The following QRSL1 variants were observed in gnomAD, a reference collection of about 807,000 sequenced individuals.
The protein encoded by QRSL1 is glutaminyl-tRNA amidotransferase subunit QRSL1, also known as glutamyl-tRNA(Gln) amidotransferase subunit A, mitochondrial.
A neutral mutation model predicts 61.6 loss-of-function variants in QRSL1; 54 were observed. That is an observed-to-expected ratio of 0.88 (90% CI 0.70 to 1.10). The LOEUF is 1.10. QRSL1 is among the 50% of genes least tolerant of loss of function. The pLI is 0.00. For synonymous variants in QRSL1, 228 were observed against 225.7 expected, an observed-to-expected ratio of 1.01 and a Z score of -0.09; for missense variants, 505 against 622.6, an observed-to-expected ratio of 0.81 and a Z score of 2.01.
intron 7 of QRSL1, among the ~76,000 whole-genome samples, chr6:106,654,437 G>C (rs1467155260): frequency 1.3e-5 from 2 of 150,818 alleles, no homozygotes; most frequent in African/African-American, 2.4e-5. Flanking sequence ...ATGCTGTTAG[G>C]TTCCTGATAC....
At position 106,633,387 on chromosome 6, in the gene QRSL1, A is replaced by G. The variant is rs367636511; in HGVS notation, c.24+3682A>G. Among the ~76,000 whole-genome samples the G allele has an allele frequency of 6.3e-4, 96 of 152,302 alleles. 2 individuals are homozygous for G. The highest frequency in any genetic ancestry group is 2.2e-3 in the African/African-American group (90 of 41,564). ...GGAAGGTTGAACAATTTTTCCACCCATTGTTGTAAATTATAACAGTTCAAA... is the reference window on the plus strand; with the variant it reads ...GGAAGGTTGAACAATTTTTCCACCCGTTGTTGTAAATTATAACAGTTCAAA... On this transcript the variant is annotated intron_variant, in intron 1 of 10. Transcript: ENST00000369046.
intron 9 of QRSL1, among the ~76,000 whole-genome samples, chr6:106,657,325 A>AT (rs905534591): frequency 6.6e-6 from 1 of 152,154 alleles, no homozygotes; most frequent in African/African-American, 2.4e-5. Flanking sequence ...CTGTTACCAT[A>AT]TTGACCAGAT....
At chr6:106,665,646 C>A in intron 10 of QRSL1, 136 bp from the exon 11 acceptor site, 1 of 731,990 alleles carries the variant, frequency 1.4e-6, no homozygotes, top group Non-Finnish European at 2.4e-6. Context: ...AGTACAAAAG[C>A]ATTATATAGC....
At chr6:106,644,948 A>G (rs181398564) in intron 4 of QRSL1, among the ~76,000 whole-genome samples, 1 of 152,338 alleles carries the variant, frequency 6.6e-6, no homozygotes, top group Non-Finnish European at 1.5e-5. Context: ...AAGTCCATTT[A>G]TTCAACATAT....
At chr6:106,639,748 G>GT (rs1012528530) in intron 1 of QRSL1, among the ~76,000 whole-genome samples, 6 of 151,310 alleles carry the variant, frequency 4.0e-5, no homozygotes, top group Admixed American at 1.3e-4. Flanking sequence ...TTTCGGTGCA[G>GT]TTTTTTTTTA....
In QRSL1 at chr6:106,654,592, AT is replaced by A. The variant is rs1380942157; in HGVS notation, c.850-134del. 22 of 718,312 alleles carry A rather than the reference AT, an allele frequency of 3.1e-5. No homozygotes were observed. The African/African-American group carries it at 3.6e-4, about 12-fold the overall frequency. The allele number at this position is 718,312 out of a possible 1,614,324, so 44.5% of individuals were successfully genotyped here. A position where few individuals can be genotyped will look rare whatever the true frequency, so the allele number is the denominator to read the frequency against. ...TAGTCTTTCTAGCTACCTACCAGCA[AT>A]TTTATCCTATTTTCTAATGTATTAC... On this transcript the variant is annotated intron_variant, in intron 7 of 10. Transcript: ENST00000369046.
chr6:106,638,239 A>G (rs1776954326), intron 1 of QRSL1, among the ~76,000 whole-genome samples: 1 of 152,090 alleles, frequency 6.6e-6, no homozygotes, highest in Admixed American at 6.5e-5. Flanking sequence ...TTCCATATAC[A>G]TGATGTTAAA....
Position 106,665,562 on chromosome 6 carries a change from GAAAT to G in QRSL1, c.1367-219_1367-216del, listed in dbSNP as rs972899676. Among the ~76,000 whole-genome samples the G allele has an allele frequency of 3.5e-4, 54 of 152,182 alleles. 2 individuals carry two copies. ...GTAATGGAGTACTATACAGCAATAAGAAATGAATGAAGAAGGTTTCTGTGAACTG... is the reference window on the plus strand; with the variant it reads ...GTAATGGAGTACTATACAGCAATAAGGAATGAAGAAGGTTTCTGTGAACTG... On this transcript the variant is annotated intron_variant, in intron 10 of 10. Transcript: ENST00000369046.
At chr6:106,665,735 A>G in intron 10 of QRSL1, 47 bp from the exon 11 acceptor site, 1 of 1,530,172 alleles carries the variant, frequency 6.5e-7, no homozygotes, top group Non-Finnish European at 9.1e-7. Flanking sequence ...GTCTCTGCTA[A>G]TTAGGGTGGA....
intron 4 of QRSL1, among the ~76,000 whole-genome samples, chr6:106,648,125 G>A (rs1030834457): frequency 2.6e-4 from 39 of 151,370 alleles, no homozygotes; most frequent in African/African-American, 9.2e-4. Context: ...GTGAAACCCC[G>A]TCTCTACTGA....
At chr6:106,631,663 T>A (rs58891987) in intron 1 of QRSL1, among the ~76,000 whole-genome samples, 41,594 of 151,450 alleles carry the variant, frequency 0.27, 6,103 homozygotes, top group East Asian at 0.44. Context: ...TGATTGTTTT[T>A]AAAAAAAAAT....
At chr6:106,655,817 T>A in intron 9 of QRSL1, 85 bp downstream of exon 9, 1 of 844,962 alleles carries the variant, frequency 1.2e-6, no homozygotes, top group African/African-American at 1.7e-5. Flanking sequence ...TCAAGGTATT[T>A]AGTAAAGAAA....
chr6:106,662,962 C>T lies in QRSL1; in HGVS notation c.1161-18C>T. On this transcript the variant is annotated intron_variant, in intron 9 of 10. Coordinates refer to ENST00000369046, the MANE Select transcript of QRSL1 (RefSeq NM_018292.5). The stretch of plus-strand genomic sequence containing the variant: ...ATACAAAAAATCCTTAAAAACATCA[C>T]CTACTTTTTTCCCACAGAAACTATG... 1.9e-6 allele frequency: 3 copies of T among 1,560,550 alleles called. No individual in the cohort carries two copies. The highest frequency in any genetic ancestry group is 2.6e-6 in the Non-Finnish European group (3 of 1,132,534).
In QRSL1 at chr6:106,629,617, A is replaced by G. The variant is rs1395859103; in HGVS notation, c.-65A>G. 2.6e-6 allele frequency: 4 copies of G among 1,556,680 alleles called. No individual in the cohort carries two copies. The East Asian group carries it at 9.6e-5, about 37-fold the overall frequency. ...ATGGCTGCGCCCATGTAACATCACT[A>G]GCGACCGGTGACCTCTTTTTCCCCC... On this transcript the variant is annotated 5_prime_UTR_variant, in exon 1 of 11. Coordinates refer to ENST00000369046, the MANE Select transcript of QRSL1 (RefSeq NM_018292.5).
At chr6:106,642,792 AGAAG>A in intron 3 of QRSL1, 198 bp from the exon 4 acceptor site, 1 of 744,378 alleles carries the variant, frequency 1.3e-6, no homozygotes, top group East Asian at 2.4e-5. Context: ...GATGAGGAAA[AGAAG>A]GAAGCCAAAG....
chr6:106,643,123 T>C (rs779459224), intron 4 of QRSL1, 33 bp downstream of exon 4: 4 of 1,424,726 alleles, frequency 2.8e-6, no homozygotes, highest in Non-Finnish European at 3.9e-6. Flanking sequence ...CTTGAGTTTC[T>C]TCTGTCTGTG....
In QRSL1 at chr6:106,635,689, A is replaced by G. The variant is rs183049712; in HGVS notation, c.25-4660A>G. ...GGAGTTCAAGACCAGCCTGACCAAC[A>G]TGGTGAAACCCCGTCTCTACTAAAA... On this transcript the variant is annotated intron_variant, in intron 1 of 10. Coordinates refer to ENST00000369046, the MANE Select transcript of QRSL1 (RefSeq NM_018292.5). Among the ~76,000 whole-genome samples, 537 of 152,272 alleles carry G rather than the reference A, an allele frequency of 3.5e-3. 5 individuals are homozygous for G. Among genetic ancestry groups the G allele is most frequent in the African/African-American group, 0.012 (482 of 41,554 alleles).
intron 4 of QRSL1, among the ~76,000 whole-genome samples, chr6:106,647,556 CA>C (rs56935677): frequency 0.043 from 3,241 of 75,500 alleles, 150 homozygotes; most frequent in East Asian, 0.29. Context: ...GAGACTGTCT[CA>C]AAAAAAAAAA....
intron 3 of QRSL1, chr6:106,642,374 A>G: frequency 4.9e-6 from 2 of 408,036 alleles, no homozygotes; most frequent in South Asian, 2.5e-5. Flanking sequence ...TTTCTTACAT[A>G]TGATTTACAT....
Sources: allele counts gnomAD v4.1 joint callset (sites outside exome capture counted in the v4.1 genomes callset), GRCh38; gene constraint gnomAD v4.1.1; transcripts MANE v1.5; gene names NCBI Gene and HGNC (gene_info 2026-07-23, HGNC 2026-07-21).